The following ARHGAP10 variants were observed in gnomAD, a reference collection of about 807,000 sequenced individuals.
ARHGAP10 encodes the protein Rho GTPase activating protein 10.
ARHGAP10 carries 87 observed loss-of-function variants against 108.6 expected under a neutral mutation model. That is an observed-to-expected ratio of 0.80 (90% CI 0.67 to 0.96). The LOEUF (loss-of-function observed/expected upper bound fraction) is 0.96. Ranked by LOEUF, ARHGAP10 falls within the 40% of genes least tolerant of loss-of-function variation. ARHGAP10 has a pLI of 0.00. For synonymous variants in ARHGAP10, 347 were observed against 341.1 expected (o/e 1.02, Z -0.19); for missense variants, 939 against 954.5 (o/e 0.98, Z 0.21).
chr4:147,769,041 A>G (rs1031275318), intron 1 of ARHGAP10, among the ~76,000 whole-genome samples: 1 of 152,102 alleles, frequency 6.6e-6, no homozygotes, highest in Non-Finnish European at 1.5e-5. Context: ...TCCAGCCTTC[A>G]TTCAGCATAT....
intron 1 of ARHGAP10, 87 bp downstream of exon 1, chr4:147,732,542 T>C: frequency 6.5e-7 from 1 of 1,548,458 alleles, no homozygotes; most frequent in Non-Finnish European, 8.8e-7. Context: ...GGGTCTTGTG[T>C]CCGGGGCCAG....
chr4:147,931,027 T>A (rs991892847), intron 13 of ARHGAP10, among the ~76,000 whole-genome samples: 1 of 152,182 alleles, frequency 6.6e-6, no homozygotes, highest in Non-Finnish European at 1.5e-5. Context: ...GTAACACCAT[T>A]TGGGTTTGAG....
chr4:148,045,738 C>CAAAAAAAAA (rs11363800), intron 19 of ARHGAP10, among the ~76,000 whole-genome samples: 7 of 57,522 alleles, frequency 1.2e-4, no homozygotes, highest in African/African-American at 5.2e-4. Flanking sequence ...AACTCCATCT[C>CAAAAAAAAA]AAAAAAAAAA....
In ARHGAP10 at chr4:147,771,453, G is replaced by A. The variant is rs114864244; in HGVS notation, c.154+38998G>A. 7.1e-3 allele frequency among the ~76,000 whole-genome samples: 1,084 copies of A among 151,826 alleles called. 10 individuals carry two copies. The highest frequency in any genetic ancestry group is 0.024 in the African/African-American group (1,013 of 41,466). ...ATCTATCACCTGAGGCATTTTTGTTGTTGTTCTTGCAAACAAATATACTCT... is the reference window on the plus strand; with the variant it reads ...ATCTATCACCTGAGGCATTTTTGTTATTGTTCTTGCAAACAAATATACTCT... On this transcript the variant is annotated intron_variant, in intron 1 of 22. Coordinates refer to ENST00000336498, the MANE Select transcript of ARHGAP10 (RefSeq NM_024605.4).
At chr4:147,874,989 A>G (rs755721833) in intron 7 of ARHGAP10, 32 bp from the exon 8 acceptor site, 1 of 1,535,086 alleles carries the variant, frequency 6.5e-7, no homozygotes, top group South Asian at 1.3e-5. Flanking sequence ...ATGAGAACTT[A>G]ACATTTATGT....
intron 18 of ARHGAP10, among the ~76,000 whole-genome samples, chr4:148,019,149 G>A (rs139644149): frequency 6.6e-6 from 1 of 152,286 alleles, no homozygotes; most frequent in East Asian, 1.9e-4. Flanking sequence ...GTTACTTGAT[G>A]TCCTTTTCCA....
intron 1 of ARHGAP10, among the ~76,000 whole-genome samples, chr4:147,732,791 G>A (rs1213355420): frequency 2.0e-5 from 3 of 152,224 alleles, no homozygotes; most frequent in African/African-American, 7.2e-5. Context: ...CTGGCCCGGA[G>A]TCAGGTTTCA....
chr4:147,971,045 ATT>A, intron 18 of ARHGAP10, among the ~76,000 whole-genome samples: 3 of 141,238 alleles, frequency 2.1e-5, no homozygotes, highest in Non-Finnish European at 3.1e-5. Flanking sequence ...GTGAGCTGAG[ATT>A]GCGCCACTGC....
rs115753644 is a variant in ARHGAP10 at position 147,913,094 on chromosome 4, G to A, written c.1183G>A (p.Gly395Arg). The A allele has an allele frequency of 6.0e-4, 976 of 1,613,700 alleles. No homozygotes were observed. Among genetic ancestry groups the A allele is most frequent in the Non-Finnish European group, 7.6e-4 (894 of 1,179,732 alleles). Residue 395 changes from glycine (G) to arginine (R), a missense_variant, in exon 13 of 23, where the codon GGG becomes AGG. Gly to Arg is a moderately radical substitution (Grantham distance 125, BLOSUM62 -2). Transcript: ENST00000336498. ...PEGNAQLDKM[G>R]FTIIRKCISA... ...TGTAGATGCACAGTTGGATAAGATG[G>A]GGTTCACAATTATCAGAAAATGCAT...
At chr4:147,942,953 A>G (rs1281137363) in intron 14 of ARHGAP10, among the ~76,000 whole-genome samples, 1 of 152,258 alleles carries the variant, frequency 6.6e-6, no homozygotes, top group Non-Finnish European at 1.5e-5. Flanking sequence ...CAGGGCGCAC[A>G]GATTTGGTAG....
At chr4:147,842,199 C>T (rs549309912) in intron 3 of ARHGAP10, among the ~76,000 whole-genome samples, 146 of 152,192 alleles carry the variant, frequency 9.6e-4, no homozygotes, top group African/African-American at 3.1e-3. Flanking sequence ...CCTCCAAAAG[C>T]GCTAGGGTTA....
At chr4:148,054,190 C>T (rs887255831) in intron 20 of ARHGAP10, among the ~76,000 whole-genome samples, 4 of 152,196 alleles carry the variant, frequency 2.6e-5, no homozygotes, top group South Asian at 2.1e-4. Flanking sequence ...GGGCTCTCTC[C>T]GTAAGTTCGA....
intron 13 of ARHGAP10, among the ~76,000 whole-genome samples, chr4:147,923,887 C>T (rs1018575502): frequency 9.9e-5 from 15 of 152,138 alleles, no homozygotes; most frequent in Non-Finnish European, 5.9e-5. Flanking sequence ...ACATATTTTA[C>T]CAATTGCGCA....
intron 1 of ARHGAP10, among the ~76,000 whole-genome samples, chr4:147,797,071 G>A (rs989761849): frequency 6.6e-6 from 1 of 152,142 alleles, no homozygotes; most frequent in Non-Finnish European, 1.5e-5. Context: ...TGAAGCATCC[G>A]GCCTGGAGCA....
rs143308296 is a variant in ARHGAP10 at position 147,770,758 on chromosome 4, C to T, written c.154+38303C>T. Among the ~76,000 whole-genome samples the T allele has an allele frequency of 1.3e-4, 20 of 152,276 alleles. No homozygotes were observed. In the East Asian group the frequency reaches 3.5e-3, roughly 26 times the overall value. On this transcript the variant is annotated intron_variant, in intron 1 of 22. Coordinates refer to ENST00000336498, the MANE Select transcript of ARHGAP10 (RefSeq NM_024605.4). ...CAAGTTACTTAGCCCATCTGAGCTT[C>T]GGTGTTTGTTTTTTTCTGTATGACA...
chr4:147,971,483 A>C (rs188771756), intron 18 of ARHGAP10, among the ~76,000 whole-genome samples: 4 of 152,276 alleles, frequency 2.6e-5, no homozygotes, highest in East Asian at 1.9e-4. Context: ...ACTTCAGAGG[A>C]GAGTTTATGT....
At chr4:148,053,778 G>A (rs1729245178) in intron 20 of ARHGAP10, among the ~76,000 whole-genome samples, 1 of 152,116 alleles carries the variant, frequency 6.6e-6, no homozygotes, top group Non-Finnish European at 1.5e-5. Flanking sequence ...TACATGCTTC[G>A]ATACACATCC....
chr4:147,897,076 T>C (rs1195342701), intron 10 of ARHGAP10, among the ~76,000 whole-genome samples: 1 of 152,118 alleles, frequency 6.6e-6, no homozygotes, highest in African/African-American at 2.4e-5. Context: ...CTAACAGTAA[T>C]ATAGCTACAC....
intron 18 of ARHGAP10, among the ~76,000 whole-genome samples, chr4:147,999,678 C>T (rs893808736): frequency 1.3e-5 from 2 of 152,194 alleles, no homozygotes; most frequent in Admixed American, 1.3e-4. Context: ...AGCTCTAACA[C>T]TCACCACATG....
Sources: allele counts gnomAD v4.1 joint callset (sites outside exome capture counted in the v4.1 genomes callset), GRCh38; gene constraint gnomAD v4.1.1; transcripts MANE v1.5; gene names NCBI Gene and HGNC (gene_info 2026-07-23, HGNC 2026-07-21).